The following TNKS1BP1 variants were observed in gnomAD, a reference collection of about 807,000 sequenced individuals.
The protein encoded by TNKS1BP1 is CCR4-NOT transcription complex subunit 12, also known as 182 kDa tankyrase-1-binding protein.
TNKS1BP1 carries 48 observed loss-of-function variants against 141.1 expected under a neutral mutation model. The observed-to-expected ratio is 0.34, with a 90% CI of 0.27 to 0.43. The LOEUF is 0.43. Ranked by LOEUF, TNKS1BP1 falls within the 20% of genes least tolerant of loss-of-function variation. The pLI is 1.00. For missense variants in TNKS1BP1, 2,149 were observed against 2,226.0 expected, an observed-to-expected ratio of 0.97 and a Z score of 0.70; for synonymous variants, 875 against 898.2, an observed-to-expected ratio of 0.97 and a Z score of 0.46.
At chr11:57,307,195 A>G (rs941484677) in intron 6 of TNKS1BP1, among the ~76,000 whole-genome samples, 3 of 151,998 alleles carry the variant, frequency 2.0e-5, no homozygotes, top group Non-Finnish European at 4.4e-5. Flanking sequence ...CCCTGCACCA[A>G]GAACATTAAA....
chr11:57,307,956 C>G (rs887190161), intron 6 of TNKS1BP1, among the ~76,000 whole-genome samples: 1 of 152,224 alleles, frequency 6.6e-6, no homozygotes, highest in Non-Finnish European at 1.5e-5. Flanking sequence ...CCACTGTCCA[C>G]TCCACTCCTG....
In TNKS1BP1 at chr11:57,309,240, G is replaced by C; in HGVS notation, c.3471C>G (p.Gly1157=). Residue 1157 remains glycine (G), a synonymous_variant, in exon 6 of 12, where the codon GGC becomes GGG. Transcript: ENST00000358252. The surrounding 1 kb of genome is among the most constrained non-coding windows in gnomAD (Gnocchi z 4.3). ...HFVPPGKTTA[G]SVDWTDQLGL... is the part of the protein sequence containing the mutation. Reference sequence around the variant, plus strand: ...CCAGCTGGTCAGTCCAGTCCACCGAGCCAGCTGTGGTCTTCCCAGGAGGCA... The same window carrying C: ...CCAGCTGGTCAGTCCAGTCCACCGACCCAGCTGTGGTCTTCCCAGGAGGCA... 6.2e-7 allele frequency: 1 copy of C among 1,614,134 alleles called. No homozygotes were observed. The highest frequency in any genetic ancestry group is 8.5e-7 in the Non-Finnish European group (1 of 1,180,030).
Position 57,300,616 on chromosome 11 carries a change from CA to C in TNKS1BP1, c.5130-17del. ...TCCTTCTGACCTAGGAGGCAGACGG[CA>C]AAGGTCCAGAATGCAAACTTTGAGG... On this transcript the variant is annotated splice_polypyrimidine_tract_variant and intron_variant, in intron 10 of 11. Transcript: ENST00000358252. The C allele has an allele frequency of 6.2e-7, 1 of 1,614,186 alleles. No homozygotes were observed. Among genetic ancestry groups the C allele is most frequent in the Non-Finnish European group, 8.5e-7 (1 of 1,180,026 alleles).
chr11:57,322,029 C>G, intron 1 of TNKS1BP1, 79 bp from the exon 2 acceptor site: 1 of 1,138,398 alleles, frequency 8.8e-7, no homozygotes, highest in Non-Finnish European at 1.2e-6. Context: ...TCTCCTATTT[C>G]TAACAGAGGC....
At chr11:57,315,378 C>T (rs1287740529) in intron 4 of TNKS1BP1, among the ~76,000 whole-genome samples, 3 of 152,054 alleles carry the variant, frequency 2.0e-5, no homozygotes, top group South Asian at 2.1e-4. Context: ...TCACCATTAA[C>T]GTCACTTTTT....
Position 57,302,299 on chromosome 11 carries a change from G to A in TNKS1BP1, c.4684-75C>T. 1 of 1,555,296 alleles carries A rather than the reference G, an allele frequency of 6.4e-7. No individual in the cohort carries two copies. The highest frequency in any genetic ancestry group is 8.7e-7 in the Non-Finnish European group (1 of 1,148,662). ...GAGCCCCTCAACAGTAGCTGACCAG[G>A]AGCTGGACCCCTCCTGCAGCCGGAG... On this transcript the variant is annotated intron_variant, in intron 7 of 11. Coordinates refer to ENST00000358252, the MANE Select transcript of TNKS1BP1 (RefSeq NM_033396.3). This position sits in a 1 kb window ranked among gnomAD's most constrained non-coding sequence, Gnocchi z 5.5.
intron 10 of TNKS1BP1, 30 bp downstream of exon 10, chr11:57,300,854 C>T: frequency 6.2e-7 from 1 of 1,605,012 alleles, no homozygotes; most frequent in Non-Finnish European, 8.5e-7. Context: ...ACAGTGAGGT[C>T]AGCGGATGCC....
intron 4 of TNKS1BP1, among the ~76,000 whole-genome samples, 166 bp downstream of exon 4, chr11:57,317,652 A>G (rs1262316946): frequency 6.6e-6 from 1 of 152,244 alleles, no homozygotes; most frequent in East Asian, 1.9e-4. Context: ...GATCAAGAGC[A>G]CTGGCCCAGG....
Position 57,308,662 on chromosome 11 carries a change from G to T in TNKS1BP1, c.4049C>A (p.Pro1350His), listed in dbSNP as rs747851206. 15 of 1,612,880 alleles carry T rather than the reference G, an allele frequency of 9.3e-6. No homozygotes were observed. In the Admixed American group the frequency reaches 2.5e-4, roughly 27 times the overall value. ...AGCCCCAAAGAGCTCCACATTCTGG[G>T]GCGCCAAGTCCTGGGTCCAGTCCAT... is the stretch of plus-strand genomic sequence containing the variant. ...GQMDWTQDLAPQNVELFGAPS... is the reference protein window; with the variant it reads ...GQMDWTQDLAHQNVELFGAPS... Residue 1350 changes from proline (P) to histidine (H), a missense_variant, in exon 6 of 12, where the codon CCC becomes CAC. Pro to His is a moderately conservative substitution (Grantham distance 77). Transcript: ENST00000358252.
chr11:57,314,677 G>A (rs865906725), intron 4 of TNKS1BP1, among the ~76,000 whole-genome samples: 1 of 152,112 alleles, frequency 6.6e-6, no homozygotes, highest in Non-Finnish European at 1.5e-5. Context: ...GGCAGAGAGT[G>A]GGGAGGACGT....
intron 1 of TNKS1BP1, among the ~76,000 whole-genome samples, chr11:57,322,928 C>G (rs1359212471): frequency 6.6e-6 from 1 of 152,194 alleles, no homozygotes; most frequent in African/African-American, 2.4e-5. Flanking sequence ...GAGGCACAGC[C>G]TGGTGGTAGA....
chr11:57,304,607 C>T (rs926835880), intron 6 of TNKS1BP1, among the ~76,000 whole-genome samples: 5 of 152,172 alleles, frequency 3.3e-5, no homozygotes, highest in African/African-American at 7.2e-5. Context: ...CCCTGGCTCA[C>T]GCCTGTAATC....
At chr11:57,322,330 A>C (rs568045421) in intron 1 of TNKS1BP1, 1,039 of 989,572 alleles carry the variant, frequency 1.0e-3, no homozygotes, top group Non-Finnish European at 1.2e-3. Flanking sequence ...TCTGTCTGTG[A>C]ATCACCTCAC....
chr11:57,320,006 C>T (rs1855856973), intron 3 of TNKS1BP1, 73 bp downstream of exon 3: 1 of 1,545,386 alleles, frequency 6.5e-7, no homozygotes, highest in Non-Finnish European at 8.8e-7. Flanking sequence ...TGCACTTGGT[C>T]CCCAGCCCCC....
chr11:57,312,619 G>A lies in TNKS1BP1; in HGVS notation c.2069C>T (p.Ala690Val). 4 of 1,570,600 alleles carry A rather than the reference G, an allele frequency of 2.5e-6. No homozygotes were observed. Among genetic ancestry groups the A allele is most frequent in the Non-Finnish European group, 3.4e-6 (4 of 1,159,864 alleles). ...ACCGCCACCACTGGGTGGTGGTGAA[G>A]CCAGGAGGTCGTCCAGCCAGCGGGA... ...SSSRWLDDLL[A>V]SPPPSGGGAR... Residue 690 changes from alanine (A) to valine (V), a missense_variant, in exon 5 of 12, where the codon GCT (alanine) becomes GTT (valine). Coordinates refer to ENST00000358252, the MANE Select transcript of TNKS1BP1 (RefSeq NM_033396.3).
chr11:57,303,150 A>G, intron 6 of TNKS1BP1: 1 of 287,942 alleles, frequency 3.5e-6, no homozygotes, highest in Non-Finnish European at 6.4e-6. Context: ...GTCAGCACGC[A>G]CCGCAGAAGC....
rs1331327319 is a variant in TNKS1BP1 at position 57,310,359 on chromosome 11, T to G, written c.2352A>C (p.Glu784Asp). 2 of 1,613,944 alleles carry G rather than the reference T, an allele frequency of 1.2e-6. No individual in the cohort carries two copies. The highest frequency in any genetic ancestry group is 2.7e-5 in the African/African-American group (2 of 74,926). The part of the protein sequence containing the change: ...WTSKYGQGAG[E>D]GSTREWASRC... Reference sequence around the variant, plus strand: ...TGCTGGCCCACTCCCTGGTGCTCCCTTCCCCTGCTCCTTGCCCATACTTGC... The same window carrying G: ...TGCTGGCCCACTCCCTGGTGCTCCCGTCCCCTGCTCCTTGCCCATACTTGC... The change falls in exon 6 of 12, where the codon GAA becomes GAC. Residue 784 changes from glutamate (E) to aspartate (D), a missense_variant. Coordinates refer to ENST00000358252, the MANE Select transcript of TNKS1BP1 (RefSeq NM_033396.3).
chr11:57,319,446 G>A (rs1055386404), intron 3 of TNKS1BP1, among the ~76,000 whole-genome samples: 2 of 152,102 alleles, frequency 1.3e-5, no homozygotes, highest in African/African-American at 4.8e-5. Flanking sequence ...GGCAAAGTTT[G>A]GTGCCCAGCT....
chr11:57,311,485 C>T (rs1855710927), intron 5 of TNKS1BP1: 1 of 985,922 alleles, frequency 1.0e-6, no homozygotes, highest in Non-Finnish European at 1.2e-6. Flanking sequence ...TCTCCCTCAC[C>T]CTGGCCCTGC....
Sources: allele counts gnomAD v4.1 joint callset (sites outside exome capture counted in the v4.1 genomes callset), GRCh38; gene constraint gnomAD v4.1.1; non-coding constraint Gnocchi (gnomAD v3.1); transcripts MANE v1.5; gene names NCBI Gene and HGNC (gene_info 2026-07-23, HGNC 2026-07-21).